The following DSC3 variants were observed in gnomAD, a reference collection of about 807,000 sequenced individuals.
DSC3 encodes desmocollin-3.
Under a neutral mutation model 89.5 loss-of-function variants are expected in DSC3, and 97 were observed. The observed-to-expected ratio is 1.08, with a 90% CI of 0.92 to 1.28. The LOEUF (loss-of-function observed/expected upper bound fraction) is 1.28. DSC3 is among the 50% of genes most tolerant of loss of function. The pLI, the probability that DSC3 is intolerant of heterozygous loss-of-function variation, is 0.00. For missense variants in DSC3, 1,199 were observed against 1,085.3 expected (o/e 1.10, Z -1.47); for synonymous variants, 436 against 384.1 (o/e 1.14, Z -1.58).
At chr18:31,009,404 T>A (rs1235712050) in intron 9 of DSC3, among the ~76,000 whole-genome samples, 1 of 152,178 alleles carries the variant, frequency 6.6e-6, no homozygotes, top group Non-Finnish European at 1.5e-5. Context: ...GCCATCTAAT[T>A]GCTGCTTTTC....
intron 14 of DSC3, among the ~76,000 whole-genome samples, chr18:31,000,080 C>T (rs1984601720): frequency 6.6e-6 from 1 of 152,034 alleles, no homozygotes; most frequent in South Asian, 2.1e-4. Flanking sequence ...CAGGTTTCTA[C>T]ATGTAGGCAC....
chr18:31,042,498 C>T lies in DSC3; in HGVS notation c.69+94G>A, dbSNP rs1020704169. ...GCATTGATCTGAGCCGCGGTTGTCACGTTTCGGCCCGCTTTGTCCCCAGCT... is the reference window on the plus strand; with the variant it reads ...GCATTGATCTGAGCCGCGGTTGTCATGTTTCGGCCCGCTTTGTCCCCAGCT... On this transcript the variant is annotated intron_variant, in intron 1 of 15. Coordinates refer to ENST00000360428, the MANE Select transcript of DSC3 (RefSeq NM_001941.5). 9.2e-6 allele frequency: 12 copies of T among 1,308,958 alleles called. No homozygotes were observed. The African/African-American group carries it at 1.6e-4, about 18-fold the overall frequency. 81.1% of individuals were successfully genotyped at this position (1,308,958 alleles called of 1,614,324 possible).
chr18:31,041,525 G>A (rs1280197921), intron 1 of DSC3, among the ~76,000 whole-genome samples: 1 of 152,132 alleles, frequency 6.6e-6, no homozygotes, highest in Non-Finnish European at 1.5e-5. Flanking sequence ...GTAAGAATCC[G>A]CGAGACCAGA....
chr18:31,041,648 ACT>A (rs1986134876), intron 1 of DSC3, among the ~76,000 whole-genome samples: 2 of 152,256 alleles, frequency 1.3e-5, no homozygotes, highest in South Asian at 2.1e-4. Context: ...GCGGAATGAA[ACT>A]CTGTTGAAGC....
At chr18:31,027,709 G>A (rs1400138388) in intron 4 of DSC3, among the ~76,000 whole-genome samples, 2 of 152,086 alleles carry the variant, frequency 1.3e-5, no homozygotes, top group Admixed American at 6.6e-5. Context: ...CTCTATTATG[G>A]AGAAAGCAAT....
intron 1 of DSC3, among the ~76,000 whole-genome samples, chr18:31,038,919 C>CAAT (rs1337721462): frequency 1.3e-5 from 2 of 151,960 alleles, no homozygotes; most frequent in Non-Finnish European, 2.9e-5. Flanking sequence ...CAATAGACTT[C>CAAT]AGTTATAGTA....
At chr18:31,027,087 T>C (rs1039376344) in intron 4 of DSC3, among the ~76,000 whole-genome samples, 1 of 152,108 alleles carries the variant, frequency 6.6e-6, no homozygotes, top group African/African-American at 2.4e-5. Context: ...TAATGTATAA[T>C]AATACAGAAA....
At chr18:31,024,144 T>C (rs1231581222) in intron 6 of DSC3, among the ~76,000 whole-genome samples, 1 of 152,132 alleles carries the variant, frequency 6.6e-6, no homozygotes, top group East Asian at 1.9e-4. Context: ...ATTAGTATCA[T>C]ATTGACAATG....
In DSC3 at chr18:31,025,775, T is replaced by G; in HGVS notation, c.615A>C (p.Glu205Asp). 6.2e-7 allele frequency: 1 copy of G among 1,613,100 alleles called. No homozygotes were observed. The highest frequency in any genetic ancestry group is 8.5e-7 in the Non-Finnish European group (1 of 1,179,286). Residue 205 changes from glutamate to aspartate, a missense_variant, in exon 5 of 16, where the codon GAA becomes GAC. Coordinates refer to ENST00000360428, the MANE Select transcript of DSC3 (RefSeq NM_001941.5). The part of the protein sequence containing the change: ...LFCTRPVDRE[E>D]YDVFDLIAYA... Reference sequence around the variant, plus strand: ...AAAGTCCTACATCAAAAACATCATATTCTTCACGATCCACAGGCCGAGTGC... The same window carrying G: ...AAAGTCCTACATCAAAAACATCATAGTCTTCACGATCCACAGGCCGAGTGC...
intron 11 of DSC3, among the ~76,000 whole-genome samples, chr18:31,007,470 C>T (rs1984892163): frequency 6.6e-6 from 1 of 151,942 alleles, no homozygotes; most frequent in Non-Finnish European, 1.5e-5. Flanking sequence ...ATTTCTAATC[C>T]CAGTATATAT....
intron 5 of DSC3, among the ~76,000 whole-genome samples, chr18:31,025,116 C>T (rs2144720811): frequency 6.6e-6 from 1 of 152,262 alleles, no homozygotes; most frequent in Non-Finnish European, 1.5e-5. Context: ...GCATCTCTTC[C>T]TTCTTTTTTG....
chr18:31,004,865 T>C (rs1984785934), intron 12 of DSC3, among the ~76,000 whole-genome samples: 1 of 152,208 alleles, frequency 6.6e-6, no homozygotes, highest in South Asian at 2.1e-4. Context: ...AGCTAATTAA[T>C]GTCACTCAGG....
At position 31,042,234 on chromosome 18, in the gene DSC3, C is replaced by T. The variant is rs560930021; in HGVS notation, c.69+358G>A. 5.3e-5 allele frequency among the ~76,000 whole-genome samples: 8 copies of T among 152,264 alleles called. No homozygotes were observed. In the East Asian group the frequency reaches 1.6e-3, roughly 30 times the overall value. On this transcript the variant is annotated intron_variant, in intron 1 of 15. Coordinates refer to ENST00000360428, the MANE Select transcript of DSC3 (RefSeq NM_001941.5). ...CTCAGGGATCCTCTCCACCCAAAGG[C>T]GCCCTCCAACCACCATCACCACCAG...
intron 8 of DSC3, among the ~76,000 whole-genome samples, chr18:31,018,457 A>G (rs1285687004): frequency 6.6e-6 from 1 of 152,202 alleles, no homozygotes; most frequent in African/African-American, 2.4e-5. Flanking sequence ...GACTCATGGT[A>G]CTGGCCTTTG....
intron 14 of DSC3, among the ~76,000 whole-genome samples, chr18:30,997,575 T>C (rs1984519887): frequency 6.6e-6 from 1 of 152,078 alleles, no homozygotes; most frequent in Non-Finnish European, 1.5e-5. Flanking sequence ...TTCCAACATA[T>C]CAGCTTTTAG....
In DSC3 at chr18:31,006,904, T is replaced by A. The variant is rs1248673811; in HGVS notation, c.1888+3A>T. On this transcript the variant is annotated splice_donor_region_variant and intron_variant, in intron 12 of 15. Transcript: ENST00000360428. Reference sequence around the variant, plus strand: ...TTATAAATCATTATTTTTTATTAAATACCATTAACTTTGGTGAGGCTCCAC... The same window carrying A: ...TTATAAATCATTATTTTTTATTAAAAACCATTAACTTTGGTGAGGCTCCAC... 3.1e-6 allele frequency: 5 copies of A among 1,596,272 alleles called. No homozygotes were observed. The highest frequency in any genetic ancestry group is 3.3e-4 in the Middle Eastern group (2 of 6,060).
At chr18:31,024,763 A>G (rs74413773) in intron 5 of DSC3, among the ~76,000 whole-genome samples, 1,705 of 152,256 alleles carry the variant, frequency 0.011, 26 homozygotes, top group African/African-American at 0.039. Flanking sequence ...AGACTGAGGA[A>G]TTAAATGTGA....
chr18:30,997,341 T>A (rs1162368814), intron 14 of DSC3, among the ~76,000 whole-genome samples: 1 of 151,990 alleles, frequency 6.6e-6, no homozygotes, highest in Non-Finnish European at 1.5e-5. Context: ...CGAGGGCCCA[T>A]CCCATGGCAG....
Position 31,026,687 on chromosome 18 carries a change from A to T in DSC3, c.475-772T>A, listed in dbSNP as rs565395329. Reference sequence around the variant, plus strand: ...GGACACTATGTCAGAGGGTGCTAGTATCTCTTAATATCTATTCTGCCCATC... The same window carrying T: ...GGACACTATGTCAGAGGGTGCTAGTTTCTCTTAATATCTATTCTGCCCATC... On this transcript the variant is annotated intron_variant, in intron 4 of 15. Coordinates refer to ENST00000360428, the MANE Select transcript of DSC3 (RefSeq NM_001941.5). Among the ~76,000 whole-genome samples the T allele has an allele frequency of 4.1e-3, 629 of 152,260 alleles. 3 individuals carry two copies. Among genetic ancestry groups the T allele is most frequent in the Non-Finnish European group, 6.8e-3 (462 of 67,972 alleles).
Sources: allele counts gnomAD v4.1 joint callset (sites outside exome capture counted in the v4.1 genomes callset), GRCh38; gene constraint gnomAD v4.1.1; transcripts MANE v1.5; gene names NCBI Gene and HGNC (gene_info 2026-07-23, HGNC 2026-07-21).